CCM2L: variants seen among roughly 807,000 people sequenced by gnomAD.
CCM2L encodes the protein cerebral cavernous malformations 2 protein-like.
Under a neutral mutation model 54.1 loss-of-function variants are expected in CCM2L, and 36 were observed. The ratio of observed to expected loss-of-function variants is 0.67; its 90% CI spans 0.51 to 0.88. The LOEUF is 0.88. Ranked by LOEUF, CCM2L falls within the 40% of genes least tolerant of loss-of-function variation. The pLI is 0.00. For synonymous variants in CCM2L, 351 were observed against 359.3 expected, an observed-to-expected ratio of 0.98 and a Z score of 0.26; for missense variants, 700 against 812.1, an observed-to-expected ratio of 0.86 and a Z score of 1.68.
In CCM2L at chr20:32,014,787, C is replaced by T. The variant is rs552906296; in HGVS notation, c.31-117C>T. Reference sequence around the variant, plus strand: ...CTGTAAAATGGGACTTACAGAGGTACCCCTTCTGCAGAGTTTTGGTGAGAA... The same window carrying T: ...CTGTAAAATGGGACTTACAGAGGTATCCCTTCTGCAGAGTTTTGGTGAGAA... On this transcript the variant is annotated intron_variant, in intron 1 of 9. Coordinates refer to ENST00000452892, the MANE Select transcript of CCM2L (RefSeq NM_001365692.1). The T allele has an allele frequency of 6.2e-6, 6 of 970,228 alleles. No individual in the cohort carries two copies. In the East Asian group the frequency reaches 8.7e-5, roughly 14 times the overall value. The allele number at this position is 970,228 out of a possible 1,614,324, so 60.1% of individuals were successfully genotyped here. A position where few individuals can be genotyped will look rare whatever the true frequency, so the allele number is the denominator to read the frequency against.
chr20:32,026,058 G>A, intron 7 of CCM2L, 139 bp downstream of exon 7: 1 of 538,076 alleles, frequency 1.9e-6, no homozygotes, highest in Non-Finnish European at 3.1e-6. Context: ...GGTAAACTGA[G>A]CTCCCTGACT....
rs1057166421 is a variant in CCM2L at position 32,031,202 on chromosome 20, C to T, written c.1604C>T (p.Ala535Val). 6 of 1,301,300 alleles carry T rather than the reference C, an allele frequency of 4.6e-6. No homozygotes were observed. In the African/African-American group the frequency reaches 9.1e-5, roughly 20 times the overall value. The allele number at this position is 1,301,300 out of a possible 1,614,324, so 80.6% of individuals were successfully genotyped here. A position where few individuals can be genotyped will look rare whatever the true frequency, so the allele number is the denominator to read the frequency against. Residue 535 changes from alanine (A) to valine (V), a missense_variant, in exon 10 of 10, where the codon GCT becomes GTT. Coordinates refer to ENST00000452892, the MANE Select transcript of CCM2L (RefSeq NM_001365692.1). Reference sequence around the variant, plus strand: ...GCACAGGCCTTCCACCGGCTGCTGGCTGACATCACGCACGACATCGAGGCG... The same window carrying T: ...GCACAGGCCTTCCACCGGCTGCTGGTTGACATCACGCACGACATCGAGGCG... ...PEAQAFHRLL[A>V]DITHDIEALA...
Position 32,031,441 on chromosome 20 carries a change from C to T in CCM2L, c.*127C>T, listed in dbSNP as rs528118628. On this transcript the variant is annotated 3_prime_UTR_variant, in exon 10 of 10. Transcript: ENST00000452892. ...CCGGGGGGTCTTCACTCCAGGGTCTCGCTCCCTGCCCTTGGGGCCCGGGGC... is the reference window on the plus strand; with the variant it reads ...CCGGGGGGTCTTCACTCCAGGGTCTTGCTCCCTGCCCTTGGGGCCCGGGGC... 3 of 744,334 alleles carry T rather than the reference C, an allele frequency of 4.0e-6. No individual in the cohort carries two copies. The highest frequency in any genetic ancestry group is 3.8e-5 in the Admixed American group (1 of 26,398). The allele number at this position is 744,334 out of a possible 1,614,324, so 46.1% of individuals were successfully genotyped here.
intron 4 of CCM2L, among the ~76,000 whole-genome samples, chr20:32,018,738 G>A (rs974702007): frequency 6.6e-6 from 1 of 152,054 alleles, no homozygotes; most frequent in Non-Finnish European, 1.5e-5. Flanking sequence ...ACCACCGAGA[G>A]GCCAGGGGTG....
rs539218178 is a variant in CCM2L, at chr20:32,024,025, G to T, written c.1069+1230G>T. On this transcript the variant is annotated intron_variant, in intron 6 of 9. Transcript: ENST00000452892. ...TGGGATTACAGGTATGAGCCACCGC[G>T]CCTGGCCACGATTCCAGTTTTACAG... Among the ~76,000 whole-genome samples the T allele has an allele frequency of 3.9e-5, 6 of 152,254 alleles. 1 individual carries two copies. In the East Asian group the frequency reaches 1.2e-3, roughly 29 times the overall value.
chr20:32,014,665 T>A (rs540088262), intron 1 of CCM2L, among the ~76,000 whole-genome samples: 22 of 152,288 alleles, frequency 1.4e-4, no homozygotes, highest in African/African-American at 4.1e-4. Context: ...AGAAAGAAGG[T>A]CGTTGGATCC....
chr20:32,026,152 C>T (rs141799700), intron 7 of CCM2L, among the ~76,000 whole-genome samples: 175 of 152,336 alleles, frequency 1.1e-3, no homozygotes, highest in Middle Eastern at 6.8e-3. Flanking sequence ...CTGTGGTTCT[C>T]TCCCAGTCAT....
In CCM2L at chr20:32,019,234, GC is replaced by G; in HGVS notation, c.759del (p.Gly254AlafsTer55). ...GGCAGCTGGGAGCGGCGGCACGGAG[GC>G]GGCGGCGGCGGCGGCGGCGCGGGAA... ...FSGSWERRHG[G>X]GGGGGGAGKP... On this transcript the variant is annotated frameshift_variant, in exon 5 of 10. Transcript: ENST00000452892. LOFTEE classifies it high-confidence loss of function. 1.9e-6 allele frequency: 2 copies of G among 1,060,958 alleles called. No homozygotes were observed. Among genetic ancestry groups the G allele is most frequent in the Non-Finnish European group, 2.4e-6 (2 of 843,084 alleles). The allele number at this position is 1,060,958 out of a possible 1,614,324, so 65.7% of individuals were successfully genotyped here.
In CCM2L at chr20:32,019,175, G is replaced by A. The variant is rs1485193463; in HGVS notation, c.699G>A (p.Ala233=). ...SLERQRAGAR[A]SGSWERRQTF... is the part of the protein sequence containing the mutation. Reference sequence around the variant, plus strand: ...AGCGCCAGCGCGCCGGGGCGCGGGCGTCGGGCAGCTGGGAGCGACGGCAGA... The same window carrying A: ...AGCGCCAGCGCGCCGGGGCGCGGGCATCGGGCAGCTGGGAGCGACGGCAGA... Residue 233 remains alanine (A), a synonymous_variant, in exon 5 of 10, where the codon GCG becomes GCA. Transcript: ENST00000452892. 3.6e-6 allele frequency: 4 copies of A among 1,125,058 alleles called. No individual in the cohort carries two copies. The highest frequency in any genetic ancestry group is 4.4e-6 in the Non-Finnish European group (4 of 910,514). The allele number at this position is 1,125,058 out of a possible 1,614,324, so 69.7% of individuals were successfully genotyped here.
Position 32,010,463 on chromosome 20 carries a change from T to A in CCM2L, c.9T>A (p.Tyr3Ter). Residue 3 changes from tyrosine to a stop codon, truncating the protein, a stop_gained, in exon 1 of 10, where the codon TAT becomes TAA. Coordinates refer to ENST00000452892, the MANE Select transcript of CCM2L (RefSeq NM_001365692.1). LOFTEE classifies it high-confidence loss of function. ME[Y>*]EVKKGKKGFV... ...AGAGGGGACATTTCACCATGGAATA[T>A]GAAGTCAAGAAAGGGAAGAAGGTAG... 2 of 1,540,560 alleles carry A rather than the reference T, an allele frequency of 1.3e-6. No homozygotes were observed. The highest frequency in any genetic ancestry group is 1.7e-6 in the Non-Finnish European group (2 of 1,145,778).
At position 32,019,303 on chromosome 20, in the gene CCM2L, G is replaced by T; in HGVS notation, c.827G>T (p.Gly276Val). The change falls in exon 5 of 10, where the codon GGG becomes GTG. Residue 276 changes from glycine (G) to valine (V), a missense_variant. Gly to Val is a moderately radical substitution (Grantham distance 109). Transcript: ENST00000452892. ...GAGCGGAGGCAGGCGGGCAGCGGCG[G>T]GGGAGGCAGCTGGGAGCGGCGCCAC... Reference protein sequence around the residue: ...SWERRQAGSGGGGSWERRHPG... With the variant: ...SWERRQAGSGVGGSWERRHPG... 7.7e-7 allele frequency: 1 copy of T among 1,299,352 alleles called. No homozygotes were observed. The highest frequency in any genetic ancestry group is 9.8e-7 in the Non-Finnish European group (1 of 1,024,282). 80.5% of individuals were successfully genotyped at this position (1,299,352 alleles called of 1,614,324 possible). A position where few individuals can be genotyped will look rare whatever the true frequency, so the allele number is the denominator to read the frequency against.
At chr20:32,026,213 A>G (rs2064859215) in intron 7 of CCM2L, among the ~76,000 whole-genome samples, 1 of 152,238 alleles carries the variant, frequency 6.6e-6, no homozygotes, top group Non-Finnish European at 1.5e-5. Flanking sequence ...TGCCAAAAAA[A>G]TTATCTTGGC....
intron 2 of CCM2L, among the ~76,000 whole-genome samples, chr20:32,016,078 C>G (rs578129855): frequency 6.6e-6 from 1 of 151,896 alleles, no homozygotes; most frequent in Admixed American, 6.6e-5. Context: ...AGGCTGGTCT[C>G]AAACCCCTGA....
At chr20:32,024,468 C>T (rs761302529) in intron 6 of CCM2L, among the ~76,000 whole-genome samples, 1 of 152,162 alleles carries the variant, frequency 6.6e-6, no homozygotes. Flanking sequence ...CCAGAGGTGG[C>T]CTGTCTTCAT....
rs1361831043 is a variant in CCM2L at position 32,030,982 on chromosome 20, C to T, written c.1403-19C>T. The T allele has an allele frequency of 1.5e-6, 2 of 1,303,752 alleles. No homozygotes were observed. The highest frequency in any genetic ancestry group is 2.3e-5 in the Admixed American group (1 of 43,426). The allele number at this position is 1,303,752 out of a possible 1,614,324, so 80.8% of individuals were successfully genotyped here. ...AAGGGAACGTGTCCTGGGGACTCAC[C>T]ATGCCCCTCGGCTCGCAGGGATGCG... On this transcript the variant is annotated intron_variant, in intron 9 of 9. Coordinates refer to ENST00000452892, the MANE Select transcript of CCM2L (RefSeq NM_001365692.1).
At chr20:32,022,597 A>G in intron 5 of CCM2L, 63 bp from the exon 6 acceptor site, 1 of 1,588,512 alleles carries the variant, frequency 6.3e-7, no homozygotes, top group Non-Finnish European at 8.6e-7. Flanking sequence ...CTGTTTTAGG[A>G]AGCAGGGTAA....
intron 5 of CCM2L, among the ~76,000 whole-genome samples, chr20:32,021,518 G>A (rs762656178): frequency 8.5e-5 from 13 of 152,076 alleles, no homozygotes; most frequent in Admixed American, 3.9e-4. Context: ...TTATCTGGGC[G>A]TGGTGGTGTG....
chr20:32,021,089 C>G (rs534826473), intron 5 of CCM2L, among the ~76,000 whole-genome samples: 1 of 152,332 alleles, frequency 6.6e-6, no homozygotes, highest in East Asian at 1.9e-4. Context: ...TGGTTCAGCC[C>G]TTGCTGACAG....
At chr20:32,018,482 C>G (rs866173997) in intron 4 of CCM2L, among the ~76,000 whole-genome samples, 15 of 151,396 alleles carry the variant, frequency 9.9e-5, no homozygotes, top group Non-Finnish European at 1.2e-4. Flanking sequence ...GGGCTGGATC[C>G]GCAGTTACCA....
Sources: allele counts gnomAD v4.1 joint callset (sites outside exome capture counted in the v4.1 genomes callset), GRCh38; gene constraint gnomAD v4.1.1; transcripts MANE v1.5; gene names NCBI Gene and HGNC (gene_info 2026-07-23, HGNC 2026-07-21).